The following GDI2 variants were observed in gnomAD, a reference collection of about 807,000 sequenced individuals.
The protein encoded by GDI2 is rab GDP dissociation inhibitor beta.
A neutral mutation model predicts 54.2 loss-of-function variants in GDI2; 22 were observed. The observed-to-expected ratio is 0.41, with a 90% confidence interval of 0.29 to 0.58. The LOEUF (loss-of-function observed/expected upper bound fraction) is 0.58, where lower values mean the gene tolerates loss of function less well. Among genes scored for constraint, GDI2 ranks in the 20% least tolerant of loss-of-function variants. GDI2 has a pLI of 0.35. For synonymous variants in GDI2, 177 were observed against 182.1 expected (o/e 0.97, Z 0.23); for missense variants, 422 against 546.0 (o/e 0.77, Z 2.26).
chr10:5,806,090 A>G (rs1841374435), intron 1 of GDI2, among the ~76,000 whole-genome samples: 1 of 152,248 alleles, frequency 6.6e-6, no homozygotes, highest in Non-Finnish European at 1.5e-5. Context: ...TTCAACTTCA[A>G]CAGATATTAC....
intron 4 of GDI2, among the ~76,000 whole-genome samples, chr10:5,793,274 C>T (rs1260965218): frequency 2.0e-5 from 3 of 152,192 alleles, no homozygotes; most frequent in Non-Finnish European, 4.4e-5. Flanking sequence ...GGATCACAAG[C>T]GTGAGCCACC....
intron 1 of GDI2, 82 bp downstream of exon 1, chr10:5,813,132 G>T: frequency 1.2e-6 from 1 of 817,332 alleles, no homozygotes; most frequent in Non-Finnish European, 1.9e-6. Context: ...CCCCCGAGGA[G>T]CTGCGACCCG....
intron 1 of GDI2, among the ~76,000 whole-genome samples, chr10:5,805,069 T>C (rs1365289656): frequency 6.6e-6 from 1 of 152,036 alleles, no homozygotes; most frequent in Middle Eastern, 3.2e-3. Flanking sequence ...CCTGACCTCA[T>C]GATCCACCCG....
chr10:5,769,564 C>T lies in GDI2; in HGVS notation c.820-1180G>A, dbSNP rs865945739. Reference sequence around the variant, plus strand: ...CCAGGCTGGGCAATGAGCAAAACTCCGTCTCAAAAGAAAAAAAAAAAAAAA... The same window carrying T: ...CCAGGCTGGGCAATGAGCAAAACTCTGTCTCAAAAGAAAAAAAAAAAAAAA... On this transcript the variant is annotated intron_variant, in intron 7 of 10. Transcript: ENST00000380191. Among the ~76,000 whole-genome samples, 6 of 147,792 alleles carry T rather than the reference C, an allele frequency of 4.1e-5. No homozygotes were observed. The East Asian group carries it at 8.4e-4, about 21-fold the overall frequency.
chr10:5,781,822 T>C lies in GDI2; in HGVS notation c.719+3320A>G, dbSNP rs543127285. Among the ~76,000 whole-genome samples, 4 of 152,018 alleles carry C rather than the reference T, an allele frequency of 2.6e-5. No individual in the cohort carries two copies. The South Asian group carries it at 8.3e-4, about 32-fold the overall frequency. ...TGAGGTCAGGAGTTAGAGACCAGCC[T>C]GTTCAATAACGGCAAAACCCCGTCT... On this transcript the variant is annotated intron_variant, in intron 6 of 10. Transcript: ENST00000380191.
chr10:5,788,239 G>A (rs1242332690), intron 4 of GDI2, among the ~76,000 whole-genome samples: 1 of 151,848 alleles, frequency 6.6e-6, no homozygotes, highest in Non-Finnish European at 1.5e-5. Context: ...GCCCAGGCTG[G>A]TCTCAAACTC....
chr10:5,791,304 T>G (rs1183667911), intron 4 of GDI2, among the ~76,000 whole-genome samples: 1 of 151,640 alleles, frequency 6.6e-6, no homozygotes, highest in Non-Finnish European at 1.5e-5. Flanking sequence ...AAAAAATAAA[T>G]ACATAAAATA....
At chr10:5,804,744 T>A (rs1246701677) in intron 1 of GDI2, among the ~76,000 whole-genome samples, 1 of 152,192 alleles carries the variant, frequency 6.6e-6, no homozygotes. Context: ...ATACTGTTTA[T>A]GGCTGTTTTC....
chr10:5,782,087 G>A (rs1418137272), intron 6 of GDI2, among the ~76,000 whole-genome samples: 1 of 152,104 alleles, frequency 6.6e-6, no homozygotes, highest in Non-Finnish European at 1.5e-5. Flanking sequence ...ATACATATAT[G>A]ACAAAAGACT....
At chr10:5,807,959 C>A (rs1222061896) in intron 1 of GDI2, among the ~76,000 whole-genome samples, 2 of 152,158 alleles carry the variant, frequency 1.3e-5, no homozygotes, top group African/African-American at 4.8e-5. Flanking sequence ...CTCCCCAACC[C>A]CGATTACAGA....
intron 1 of GDI2, among the ~76,000 whole-genome samples, chr10:5,809,591 G>T (rs1169743633): frequency 6.6e-6 from 1 of 152,144 alleles, no homozygotes; most frequent in East Asian, 1.9e-4. Flanking sequence ...CCTCTTAGGG[G>T]ACTTAATGCT....
intron 6 of GDI2, among the ~76,000 whole-genome samples, 153 bp downstream of exon 6, chr10:5,784,989 A>T (rs1221000736): frequency 6.8e-6 from 1 of 146,560 alleles, no homozygotes; most frequent in Non-Finnish European, 1.5e-5. Flanking sequence ...AGATCCATGC[A>T]TATCATTATA....
At chr10:5,795,445 T>C (rs188733421) in intron 3 of GDI2, among the ~76,000 whole-genome samples, 3 of 152,298 alleles carry the variant, frequency 2.0e-5, no homozygotes, top group Admixed American at 2.0e-4. Context: ...AAGCTGTATT[T>C]TAAATAGGAC....
chr10:5,797,460 G>A (rs998687143), intron 2 of GDI2, among the ~76,000 whole-genome samples: 2 of 142,686 alleles, frequency 1.4e-5, no homozygotes, highest in African/African-American at 5.2e-5. Flanking sequence ...CAGGAGAATC[G>A]TTTCAACATG....
At position 5,766,139 on chromosome 10, in the gene GDI2, C is replaced by T. The variant is rs781568391; in HGVS notation, c.1205G>A (p.Arg402His). ...AAAATGAGTGGTGGCATCATATGTG[C>T]GGGAAATAAAGATCTGAAAACAAAA... ...LGTESQIFISRTYDATTHFET... is the reference protein window; with the variant it reads ...LGTESQIFISHTYDATTHFET... Residue 402 changes from arginine (R) to histidine (H), a missense_variant, in exon 11 of 11, where the codon CGC becomes CAC. Arg to His is a conservative substitution (Grantham distance 29, BLOSUM62 0). Coordinates refer to ENST00000380191, the MANE Select transcript of GDI2 (RefSeq NM_001494.4). The surrounding 1 kb of genome is among the most constrained non-coding windows in gnomAD (Gnocchi z 5.8). 7.4e-6 allele frequency: 12 copies of T among 1,613,280 alleles called. No homozygotes were observed. The highest frequency in any genetic ancestry group is 1.3e-5 in the African/African-American group (1 of 74,838).
intron 6 of GDI2, among the ~76,000 whole-genome samples, chr10:5,782,716 T>C (rs1840787024): frequency 6.6e-6 from 1 of 152,210 alleles, no homozygotes; most frequent in Non-Finnish European, 1.5e-5. Flanking sequence ...GGTGGATCAC[T>C]TGAGGTCAGG....
intron 5 of GDI2, 26 bp from the exon 6 acceptor site, chr10:5,785,299 G>A (rs760363505): frequency 2.0e-5 from 30 of 1,529,786 alleles, no homozygotes; most frequent in Non-Finnish European, 2.0e-5. Context: ...TGAGTATTAG[G>A]AAAGGGCTTT....
intron 1 of GDI2, among the ~76,000 whole-genome samples, chr10:5,805,803 ATTCTGTG>A (rs1841366772): frequency 6.6e-6 from 1 of 152,210 alleles, no homozygotes; most frequent in African/African-American, 2.4e-5. Context: ...GTAGATTCTG[ATTCTGTG>A]TAATATCCGA....
rs116369600 is a variant in GDI2 at position 5,802,887 on chromosome 10, C to A, written c.46-2182G>T. On this transcript the variant is annotated intron_variant, in intron 1 of 10. Transcript: ENST00000380191. Reference sequence around the variant, plus strand: ...TTAATATATCAGAATATAAAACATTCATTAATGTGGCTTCAGATTTCATAC... The same window carrying A: ...TTAATATATCAGAATATAAAACATTAATTAATGTGGCTTCAGATTTCATAC... Among the ~76,000 whole-genome samples the A allele has an allele frequency of 3.6e-3, 545 of 152,300 alleles. 3 individuals are homozygous for A. The highest frequency in any genetic ancestry group is 0.012 in the African/African-American group (518 of 41,562).
Sources: gnomAD v4.1 joint callset for allele counts (sites outside exome capture counted in the v4.1 genomes callset) on GRCh38, gnomAD v4.1.1 for gene constraint, Gnocchi (gnomAD v3.1) non-coding constraint, MANE v1.5 for transcripts, NCBI Gene and HGNC (gene_info 2026-07-23, HGNC 2026-07-21) for gene names.